Variants in PRKN observed in about 807,000 individuals in gnomAD.
PRKN encodes E3 ubiquitin-protein ligase parkin.
Under a neutral mutation model 59.5 loss-of-function variants are expected in PRKN, and 56 were observed. That is an observed-to-expected ratio of 0.94 (90% confidence interval 0.76 to 1.18). The LOEUF is 1.18. Among genes scored for constraint, PRKN ranks in the 50% most tolerant of loss-of-function variants. The pLI is 0.00. For missense variants in PRKN, 657 were observed against 596.4 expected (o/e 1.10, Z -1.06); for synonymous variants, 250 against 222.1 (o/e 1.13, Z -1.12).
intron 1 of PRKN, among the ~76,000 whole-genome samples, chr6:162,601,355 T>G (rs1781702947): frequency 7.8e-6 from 1 of 128,070 alleles, no homozygotes; most frequent in Non-Finnish European, 1.8e-5. Flanking sequence ...TAAATGGGTT[T>G]TGTTTTAGAA....
intron 4 of PRKN, among the ~76,000 whole-genome samples, chr6:162,193,136 A>T (rs1400364933): frequency 6.6e-6 from 1 of 152,208 alleles, no homozygotes; most frequent in East Asian, 1.9e-4. Flanking sequence ...GCTGGATTGA[A>T]AAGTCAATGA....
chr6:161,597,113 G>C (rs868170709), intron 7 of PRKN, among the ~76,000 whole-genome samples: 1 of 152,144 alleles, frequency 6.6e-6, no homozygotes, highest in African/African-American at 2.4e-5. Flanking sequence ...CTTCCTGTTT[G>C]GATTCCAGGG....
At chr6:162,033,252 A>G (rs1783708861) in intron 5 of PRKN, among the ~76,000 whole-genome samples, 1 of 152,310 alleles carries the variant, frequency 6.6e-6, no homozygotes, top group East Asian at 1.9e-4. Flanking sequence ...ATCTCTTTTT[A>G]TGGAAGACAT....
chr6:161,615,662 T>C (rs1562561087), intron 7 of PRKN, among the ~76,000 whole-genome samples: 1 of 152,228 alleles, frequency 6.6e-6, no homozygotes, highest in Non-Finnish European at 1.5e-5. Context: ...CCTTGCTCTC[T>C]TTCCATAAAG....
chr6:162,445,513 C>A (rs1029307882), intron 1 of PRKN, among the ~76,000 whole-genome samples: 1 of 151,264 alleles, frequency 6.6e-6, no homozygotes, highest in African/African-American at 2.4e-5. Flanking sequence ...AAAGTGAGAC[C>A]CCATCTCTAC....
intron 7 of PRKN, among the ~76,000 whole-genome samples, chr6:161,680,777 T>TATA (rs1562604160): frequency 1.1e-4 from 4 of 37,290 alleles, no homozygotes; most frequent in African/African-American, 1.9e-4. Context: ...ATATATATAT[T>TATA]TTTTTTTTTT....
chr6:162,492,431 C>T (rs1792858387), intron 1 of PRKN, among the ~76,000 whole-genome samples: 2 of 152,200 alleles, frequency 1.3e-5, no homozygotes, highest in South Asian at 4.1e-4. Flanking sequence ...TCACAGGTCC[C>T]ATCCCTGGGC....
chr6:162,439,057 C>A (rs896406822), intron 2 of PRKN, among the ~76,000 whole-genome samples: 1 of 152,114 alleles, frequency 6.6e-6, no homozygotes, highest in African/African-American at 2.4e-5. Context: ...TTTCTCTGTT[C>A]CTTCCATTCT....
chr6:162,109,779 T>C (rs1459920921), intron 4 of PRKN, among the ~76,000 whole-genome samples: 1 of 152,208 alleles, frequency 6.6e-6, no homozygotes, highest in Non-Finnish European at 1.5e-5. Context: ...CAAAGATTGC[T>C]TTTTATTTCA....
At chr6:161,671,449 T>C (rs902832058) in intron 7 of PRKN, among the ~76,000 whole-genome samples, 2 of 152,164 alleles carry the variant, frequency 1.3e-5, no homozygotes, top group Non-Finnish European at 2.9e-5. Flanking sequence ...TCTGTTATCA[T>C]CCAGGCTATG....
chr6:161,782,805 A>G (rs1023499446), intron 7 of PRKN, among the ~76,000 whole-genome samples: 1 of 152,094 alleles, frequency 6.6e-6, no homozygotes, highest in African/African-American at 2.4e-5. Flanking sequence ...GAGGCAGGAG[A>G]ATCACTTGAA....
At chr6:162,001,924 G>C (rs1234765220) in intron 5 of PRKN, among the ~76,000 whole-genome samples, 1 of 147,336 alleles carries the variant, frequency 6.8e-6, no homozygotes, top group African/African-American at 2.5e-5. Flanking sequence ...TACTGATATG[G>C]TCATTTGATC....
intron 2 of PRKN, among the ~76,000 whole-genome samples, chr6:162,406,500 CCTCT>C (rs1381291716): frequency 2.0e-5 from 3 of 152,176 alleles, no homozygotes; most frequent in South Asian, 2.1e-4. Context: ...CTACATTTGA[CCTCT>C]CTGTTTCAAT....
At chr6:161,765,727 T>C (rs1042176481) in intron 7 of PRKN, among the ~76,000 whole-genome samples, 2 of 152,182 alleles carry the variant, frequency 1.3e-5, no homozygotes, top group African/African-American at 4.8e-5. Context: ...ATGATGATGG[T>C]GGCATTTCAT....
At chr6:162,326,704 G>C (rs1364791667) in intron 2 of PRKN, among the ~76,000 whole-genome samples, 1 of 152,090 alleles carries the variant, frequency 6.6e-6, no homozygotes, top group Non-Finnish European at 1.5e-5. Context: ...TCTCAGAATT[G>C]AAAAAGCTAC....
intron 7 of PRKN, among the ~76,000 whole-genome samples, chr6:161,641,776 C>G (rs1329156409): frequency 6.6e-6 from 1 of 152,180 alleles, no homozygotes; most frequent in Admixed American, 6.5e-5. Context: ...AGGAGTGTAA[C>G]AAAGGCAAAG....
intron 2 of PRKN, among the ~76,000 whole-genome samples, chr6:162,291,215 A>G (rs1252099267): frequency 6.6e-6 from 1 of 152,144 alleles, no homozygotes; most frequent in Non-Finnish European, 1.5e-5. Flanking sequence ...ACCTCTGGAC[A>G]CTAAAATGCA....
intron 4 of PRKN, among the ~76,000 whole-genome samples, chr6:162,114,493 C>T (rs1021628731): frequency 6.1e-4 from 92 of 151,854 alleles, no homozygotes; most frequent in Non-Finnish European, 7.8e-4. Context: ...AATGGGAGTT[C>T]ACTCATGATT....
chr6:161,763,502 C>T (rs927500069), intron 7 of PRKN, among the ~76,000 whole-genome samples: 6 of 152,008 alleles, frequency 3.9e-5, no homozygotes, highest in South Asian at 4.1e-4. Flanking sequence ...CAGGAGTTGA[C>T]GAAGAGCGGA....
Sources: gnomAD v4.1 joint callset for allele counts (sites outside exome capture counted in the v4.1 genomes callset) on GRCh38, gnomAD v4.1.1 for gene constraint, MANE v1.5 for transcripts, NCBI Gene and HGNC (gene_info 2026-07-23, HGNC 2026-07-21) for gene names.